DCC: variants seen among roughly 807,000 people sequenced by gnomAD.
The protein encoded by DCC is DCC netrin 1 receptor.
Under a neutral mutation model 172.5 loss-of-function variants are expected in DCC, and 58 were observed. The observed-to-expected ratio is 0.34, with a 90% CI of 0.27 to 0.42. The LOEUF is 0.42. Among genes scored for constraint, DCC ranks in the 10% least tolerant of loss-of-function variants. The pLI is 1.00. For missense variants in DCC, 1,740 were observed against 1,791.0 expected (o/e 0.97, Z 0.51); for synonymous variants, 709 against 644.5 (o/e 1.10, Z -1.52).
At chr18:53,383,125 T>G (rs1404915046) in intron 15 of DCC, among the ~76,000 whole-genome samples, 1 of 152,106 alleles carries the variant, frequency 6.6e-6, no homozygotes, top group Non-Finnish European at 1.5e-5. Flanking sequence ...TAAGTAGGTT[T>G]GATCCCTTTG....
chr18:53,359,166 A>C (rs2057917029), intron 15 of DCC, among the ~76,000 whole-genome samples: 2 of 152,196 alleles, frequency 1.3e-5, no homozygotes, highest in Non-Finnish European at 2.9e-5. Context: ...TGCAGGAGTT[A>C]TAAATAGAGA....
intron 2 of DCC, among the ~76,000 whole-genome samples, chr18:52,856,791 G>C (rs1054621179): frequency 2.6e-5 from 4 of 152,086 alleles, no homozygotes; most frequent in African/African-American, 7.2e-5. Flanking sequence ...ACAATAGTCA[G>C]CATGCATATT....
intron 5 of DCC, among the ~76,000 whole-genome samples, chr18:52,970,688 G>A (rs2041015028): frequency 6.6e-6 from 1 of 152,166 alleles, no homozygotes; most frequent in African/African-American, 2.4e-5. Context: ...AATATAGCAT[G>A]GGGTGGGGAG....
At chr18:52,349,903 G>GATTGTA in intron 1 of DCC, among the ~76,000 whole-genome samples, 1 of 151,938 alleles carries the variant, frequency 6.6e-6, no homozygotes, top group African/African-American at 2.4e-5. Context: ...TGTAATCAAG[G>GATTGTA]GGCCTAACTC....
At chr18:53,371,388 G>T (rs2058058868) in intron 15 of DCC, among the ~76,000 whole-genome samples, 1 of 151,974 alleles carries the variant, frequency 6.6e-6, no homozygotes. Context: ...ACTGGTGAGT[G>T]TCAGAAAAAT....
At chr18:52,955,662 C>A (rs1389864426) in intron 5 of DCC, among the ~76,000 whole-genome samples, 1 of 152,070 alleles carries the variant, frequency 6.6e-6, no homozygotes, top group Non-Finnish European at 1.5e-5. Context: ...TGCATTCCCA[C>A]CAATAATGAA....
chr18:52,349,223 T>G (rs1984011168), intron 1 of DCC, among the ~76,000 whole-genome samples: 1 of 152,114 alleles, frequency 6.6e-6, no homozygotes, highest in African/African-American at 2.4e-5. Flanking sequence ...TTTCACCTGC[T>G]CCCATGGGAC....
Position 53,426,015 on chromosome 18 carries a change from T to C in DCC, c.3164-9129T>C, listed in dbSNP as rs756285214. 7.2e-5 allele frequency among the ~76,000 whole-genome samples: 11 copies of C among 151,958 alleles called. No homozygotes were observed. The East Asian group carries it at 1.9e-3, about 27-fold the overall frequency. On this transcript the variant is annotated intron_variant, in intron 21 of 28. Transcript: ENST00000442544. ...TTGCAGAGCATTTAGGGAGTTTTAT[T>C]ATTGTACCTCTGCCTTTTTTTTCTA...
At chr18:53,214,802 T>C (rs956281305) in intron 11 of DCC, among the ~76,000 whole-genome samples, 1 of 152,202 alleles carries the variant, frequency 6.6e-6, no homozygotes, top group Non-Finnish European at 1.5e-5. Flanking sequence ...ATTACTCACA[T>C]GATAGAATAT....
At chr18:52,539,851 C>T (rs1419329019) in intron 1 of DCC, among the ~76,000 whole-genome samples, 2 of 152,096 alleles carry the variant, frequency 1.3e-5, no homozygotes, top group African/African-American at 2.4e-5. Context: ...ACATGTTATA[C>T]ATGATAAATA....
chr18:52,403,286 T>G (rs939119688), intron 1 of DCC, among the ~76,000 whole-genome samples: 1 of 152,026 alleles, frequency 6.6e-6, no homozygotes, highest in Non-Finnish European at 1.5e-5. Context: ...GTCTTTGTTG[T>G]TGTCTTCTGG....
At chr18:53,269,878 C>A (rs1391588850) in intron 12 of DCC, among the ~76,000 whole-genome samples, 1 of 152,042 alleles carries the variant, frequency 6.6e-6, no homozygotes, top group Non-Finnish European at 1.5e-5. Flanking sequence ...AGAGGTGAGC[C>A]CCCTAGAGTT....
chr18:53,067,097 G>C (rs889140654), intron 7 of DCC, among the ~76,000 whole-genome samples: 3 of 152,154 alleles, frequency 2.0e-5, no homozygotes, highest in African/African-American at 7.2e-5. Context: ...AGACATGAGA[G>C]TTTGGTGGGG....
At chr18:52,374,105 G>T (rs1301155541) in intron 1 of DCC, among the ~76,000 whole-genome samples, 1 of 151,754 alleles carries the variant, frequency 6.6e-6, no homozygotes, top group Non-Finnish European at 1.5e-5. Flanking sequence ...TGTTAGCCAG[G>T]ATGGTCTCGA....
Position 52,889,020 on chromosome 18 carries a change from A to G in DCC, c.413-17024A>G, listed in dbSNP as rs570986230. On this transcript the variant is annotated intron_variant, in intron 2 of 28. Coordinates refer to ENST00000442544, the MANE Select transcript of DCC (RefSeq NM_005215.4). ...TATAATACATAATATAACCAATTTA[A>G]TTGGCTTTTCAAACAGGAAGCTCAA... Among the ~76,000 whole-genome samples the G allele has an allele frequency of 7.9e-5, 12 of 152,198 alleles. No individual in the cohort carries two copies. The East Asian group carries it at 2.3e-3, about 29-fold the overall frequency.
intron 1 of DCC, among the ~76,000 whole-genome samples, chr18:52,464,717 T>G (rs1988732739): frequency 6.6e-6 from 1 of 151,912 alleles, no homozygotes; most frequent in African/African-American, 2.4e-5. Flanking sequence ...ACAGGGAGAC[T>G]TTCTGCAGGC....
intron 1 of DCC, among the ~76,000 whole-genome samples, chr18:52,475,650 A>AT (rs1171008604): frequency 1.3e-5 from 2 of 152,148 alleles, no homozygotes; most frequent in African/African-American, 2.4e-5. Flanking sequence ...ATTAGAAGTG[A>AT]TTGATTCTCT....
Position 52,824,069 on chromosome 18 carries a change from A to C in DCC, c.412+71695A>C, listed in dbSNP as rs116755092. 6.5e-3 allele frequency among the ~76,000 whole-genome samples: 983 copies of C among 152,302 alleles called. 16 individuals are homozygous for C. Among genetic ancestry groups the C allele is most frequent in the African/African-American group, 0.022 (933 of 41,570 alleles). On this transcript the variant is annotated intron_variant, in intron 2 of 28. Coordinates refer to ENST00000442544, the MANE Select transcript of DCC (RefSeq NM_005215.4). ...CTCAGAAAGGGTGAATTGCAACTCCATGGCCAGTTGGTATCTTTCCATTTA... is the reference window on the plus strand; with the variant it reads ...CTCAGAAAGGGTGAATTGCAACTCCCTGGCCAGTTGGTATCTTTCCATTTA...
intron 5 of DCC, among the ~76,000 whole-genome samples, chr18:52,972,804 T>C (rs2041051214): frequency 6.6e-6 from 1 of 152,168 alleles, no homozygotes; most frequent in South Asian, 2.1e-4. Context: ...ACTATTTATT[T>C]GGTGCTTAGC....
Sources: gnomAD v4.1 joint callset for allele counts (sites outside exome capture counted in the v4.1 genomes callset) on GRCh38, gnomAD v4.1.1 for gene constraint, MANE v1.5 for transcripts, NCBI Gene and HGNC (gene_info 2026-07-23, HGNC 2026-07-21) for gene names.